GMPS: variants seen among roughly 807,000 people sequenced by gnomAD.
GMPS encodes the protein guanosine monophosphate synthase, also known as GMP synthase [glutamine-hydrolyzing].
GMPS carries 15 observed loss-of-function variants against 77.9 expected under a neutral mutation model. The observed-to-expected ratio is 0.19, with a 90% CI of 0.13 to 0.30. The LOEUF is 0.30. Ranked by LOEUF, GMPS falls within the 10% of genes least tolerant of loss-of-function variation. The pLI, the probability that GMPS is intolerant of heterozygous loss-of-function variation, is 1.00. For missense variants in GMPS, 590 were observed against 838.8 expected (o/e 0.70, Z 3.66); for synonymous variants, 224 against 275.9 (o/e 0.81, Z 1.86).
At position 155,938,178 on chromosome 3, in the gene GMPS, A is replaced by G. The variant is rs1755805242; in HGVS notation, c.*486A>G. 1 of 222,316 alleles carries G rather than the reference A, an allele frequency of 4.5e-6. No individual in the cohort carries two copies. The highest frequency in any genetic ancestry group is 6.6e-5 in the East Asian group (1 of 15,116). 13.8% of individuals were successfully genotyped at this position (222,316 alleles called of 1,614,324 possible). A position where few individuals can be genotyped will look rare whatever the true frequency, so the allele number is the denominator to read the frequency against. On this transcript the variant is annotated 3_prime_UTR_variant, in exon 16 of 16. Coordinates refer to ENST00000496455, the MANE Select transcript of GMPS (RefSeq NM_003875.3). ...GAAAAAGAGATGAACATATCAGATA[A>G]AGGTATAGGTGGGCTATTCCAGCCA... is the stretch of plus-strand genomic sequence containing the variant.
At position 155,942,543 on chromosome 3, in the gene GMPS, T is replaced by C. The variant is rs2108163708; in HGVS notation, c.*4851T>C. 4.4e-6 allele frequency: 1 copy of C among 227,862 alleles called. No homozygotes were observed. The highest frequency in any genetic ancestry group is 6.3e-5 in the East Asian group (1 of 15,910). 14.1% of individuals were successfully genotyped at this position (227,862 alleles called of 1,614,324 possible). ...TCTTGCTGAAGGTCTTATAGCTAAA[T>C]TAGTTCAGATCCAGGAACCAGATTC... is the stretch of plus-strand genomic sequence containing the variant. On this transcript the variant is annotated 3_prime_UTR_variant, in exon 16 of 16. Transcript: ENST00000496455.
chr3:155,900,150 G>T (rs1434127192), intron 3 of GMPS, among the ~76,000 whole-genome samples: 1 of 152,128 alleles, frequency 6.6e-6, no homozygotes, highest in Non-Finnish European at 1.5e-5. Flanking sequence ...TTACTAAGTT[G>T]TTAAGAGTAT....
intron 8 of GMPS, 24 bp from the exon 9 acceptor site, chr3:155,915,995 C>G (rs1755168055): frequency 6.4e-7 from 1 of 1,567,744 alleles, no homozygotes; most frequent in African/African-American, 1.4e-5. Flanking sequence ...TCTTACAAGG[C>G]TGTTTTACTC....
intron 3 of GMPS, among the ~76,000 whole-genome samples, chr3:155,901,577 C>T (rs918011842): frequency 2.6e-5 from 4 of 151,928 alleles, no homozygotes; most frequent in African/African-American, 9.7e-5. Context: ...GATATTTTTT[C>T]CCTCAGTTTA....
intron 1 of GMPS, among the ~76,000 whole-genome samples, chr3:155,873,652 T>TTTTTTTTTTTTTA (rs1560032835): frequency 7.0e-6 from 1 of 143,570 alleles, no homozygotes; most frequent in Admixed American, 7.2e-5. Flanking sequence ...TTTTTTTTTT[T>TTTTTTTTTTTTTA]GAGATGGAGT....
rs1044296366 is a variant in GMPS at position 155,910,680 on chromosome 3, T to A, written c.527-12T>A. The A allele has an allele frequency of 7.0e-7, 1 of 1,431,872 alleles. No homozygotes were observed. The highest frequency in any genetic ancestry group is 9.4e-7 in the Non-Finnish European group (1 of 1,064,980). 88.7% of individuals were successfully genotyped at this position (1,431,872 alleles called of 1,614,324 possible). A position where few individuals can be genotyped will look rare whatever the true frequency, so the allele number is the denominator to read the frequency against. On this transcript the variant is annotated splice_polypyrimidine_tract_variant and intron_variant, in intron 5 of 15. Coordinates refer to ENST00000496455, the MANE Select transcript of GMPS (RefSeq NM_003875.3). ...GAAAAAATTTTAATTTGTGACTATT[T>A]TCTCTATAAAGGCATAGCAAATGAA...
intron 7 of GMPS, among the ~76,000 whole-genome samples, chr3:155,912,222 A>G (rs1755059197): frequency 6.6e-6 from 1 of 152,190 alleles, no homozygotes; most frequent in Admixed American, 6.5e-5. Context: ...TATTTTTTTG[A>G]AACTTCTCTA....
At chr3:155,891,087 T>C (rs1286684038) in intron 1 of GMPS, among the ~76,000 whole-genome samples, 2 of 152,242 alleles carry the variant, frequency 1.3e-5, no homozygotes. Flanking sequence ...GTTTGTGGAC[T>C]GAAGAGCTGG....
intron 9 of GMPS, 27 bp downstream of exon 9, chr3:155,916,219 A>T: frequency 6.8e-7 from 1 of 1,460,452 alleles, no homozygotes; most frequent in East Asian, 2.3e-5. Context: ...ACTTTTTCAT[A>T]AAGTAGATAC....
chr3:155,878,597 A>T (rs1357722105), intron 1 of GMPS, among the ~76,000 whole-genome samples: 1 of 152,206 alleles, frequency 6.6e-6, no homozygotes, highest in Non-Finnish European at 1.5e-5. Flanking sequence ...AGCAGCTGCA[A>T]CATTTTATAT....
intron 7 of GMPS, among the ~76,000 whole-genome samples, chr3:155,913,245 A>G (rs913109290): frequency 6.6e-6 from 1 of 152,246 alleles, no homozygotes; most frequent in Non-Finnish European, 1.5e-5. Flanking sequence ...TGAAATAGCC[A>G]GCTGCCTTGT....
At position 155,877,907 on chromosome 3, in the gene GMPS, G is replaced by C. The variant is rs1428655936; in HGVS notation, c.27+7010G>C. Reference sequence around the variant, plus strand: ...AGCCATTCTTCTTCTTCAGCCTCCCGAGTAGCTGGGCATGCGCCACCATGC... The same window carrying C: ...AGCCATTCTTCTTCTTCAGCCTCCCCAGTAGCTGGGCATGCGCCACCATGC... On this transcript the variant is annotated intron_variant, in intron 1 of 15. Transcript: ENST00000496455. Among the ~76,000 whole-genome samples, 3 of 150,078 alleles carry C rather than the reference G, an allele frequency of 2.0e-5. No individual in the cohort carries two copies. The Admixed American group carries it at 2.0e-4, about 10-fold the overall frequency.
intron 12 of GMPS, among the ~76,000 whole-genome samples, chr3:155,926,020 C>CT (rs1011438073): frequency 2.6e-5 from 4 of 151,892 alleles, no homozygotes; most frequent in South Asian, 2.1e-4. Flanking sequence ...AATTTCTCCT[C>CT]TTTTTTCTGG....
chr3:155,914,535 G>C lies in GMPS; in HGVS notation c.1003G>C (p.Glu335Gln). 1 of 1,593,574 alleles carries C rather than the reference G, an allele frequency of 6.3e-7. No individual in the cohort carries two copies. The highest frequency in any genetic ancestry group is 8.5e-7 in the Non-Finnish European group (1 of 1,172,830). Residue 335 changes from glutamate to glutamine, a missense_variant, in exon 8 of 16, where the codon GAG (glutamate) becomes CAG (glutamine). Around this residue, in one of 6 missense-constraint regions of GMPS, gnomAD observed 181 missense variants for 186.8 expected, o/e 0.97. Transcript: ENST00000496455. Reference protein sequence around the residue: ...KTLNMTTSPEEKRKIIGDTFV... With the variant: ...KTLNMTTSPEQKRKIIGDTFV... ...GTTAAATATGACCACAAGTCCTGAAGAGAAAAGAAAAATCATTGGGGATAC... is the reference window on the plus strand; with the variant it reads ...GTTAAATATGACCACAAGTCCTGAACAGAAAAGAAAAATCATTGGGGATAC...
At chr3:155,896,871 G>C (rs978981543) in intron 2 of GMPS, among the ~76,000 whole-genome samples, 6 of 151,094 alleles carry the variant, frequency 4.0e-5, no homozygotes, top group Non-Finnish European at 7.4e-5. Context: ...GTCCAAATTT[G>C]TAAGTAAGTT....
chr3:155,927,444 A>T (rs1755486416), intron 12 of GMPS, among the ~76,000 whole-genome samples: 1 of 152,228 alleles, frequency 6.6e-6, no homozygotes, highest in African/African-American at 2.4e-5. Flanking sequence ...GTTACAAAAA[A>T]TAGATACTTG....
Position 155,929,087 on chromosome 3 carries a change from C to T in GMPS, c.1561-2678C>T, listed in dbSNP as rs1276860439. On this transcript the variant is annotated intron_variant, in intron 12 of 15. Coordinates refer to ENST00000496455, the MANE Select transcript of GMPS (RefSeq NM_003875.3). Reference sequence around the variant, plus strand: ...TGGCTGGGTCAAATGGTATTTCTAGCTCTAGATCCCTGAGGAATCGCCACA... The same window carrying T: ...TGGCTGGGTCAAATGGTATTTCTAGTTCTAGATCCCTGAGGAATCGCCACA... Among the ~76,000 whole-genome samples the T allele has an allele frequency of 4.8e-4, 73 of 151,688 alleles. 3 individuals carry two copies. Among genetic ancestry groups the T allele is most frequent in the Non-Finnish European group, 8.8e-4 (60 of 67,930 alleles).
intron 1 of GMPS, among the ~76,000 whole-genome samples, chr3:155,880,492 CT>C (rs1043304806): frequency 6.6e-6 from 1 of 152,078 alleles, no homozygotes; most frequent in African/African-American, 2.4e-5. Flanking sequence ...TTTTGTTTTG[CT>C]TGTTTTTATT....
At chr3:155,912,274 T>A (rs1322468182) in intron 7 of GMPS, among the ~76,000 whole-genome samples, 1 of 152,126 alleles carries the variant, frequency 6.6e-6, no homozygotes, top group East Asian at 1.9e-4. Context: ...ACCTTAAGGA[T>A]GTGGGATAGA....
Sources: allele counts gnomAD v4.1 joint callset (sites outside exome capture counted in the v4.1 genomes callset), GRCh38; gene constraint gnomAD v4.1.1; regional missense constraint gnomAD v4.1.1; transcripts MANE v1.5; gene names NCBI Gene and HGNC (gene_info 2026-07-23, HGNC 2026-07-21).